ZCWPW2: variants seen among roughly 807,000 people sequenced by gnomAD.
The protein encoded by ZCWPW2 is zinc finger CW-type PWWP domain protein 2.
ZCWPW2 carries 45 observed loss-of-function variants against 46.6 expected under a neutral mutation model. The ratio of observed to expected loss-of-function variants is 0.96; its 90% CI spans 0.76 to 1.24. The LOEUF (loss-of-function observed/expected upper bound fraction) is 1.24. ZCWPW2 is among the 50% of genes most tolerant of loss of function. The probability of loss-of-function intolerance (pLI) is 0.00; values close to 1 mark genes in which losing one functional copy is unlikely to be tolerated. For missense variants in ZCWPW2, 429 were observed against 403.9 expected, an observed-to-expected ratio of 1.06 and a Z score of -0.53; for synonymous variants, 152 against 137.1, an observed-to-expected ratio of 1.11 and a Z score of -0.76.
chr3:28,499,116 A>G (rs1014489385), intron 6 of ZCWPW2, among the ~76,000 whole-genome samples: 1 of 152,156 alleles, frequency 6.6e-6, no homozygotes, highest in Non-Finnish European at 1.5e-5. Flanking sequence ...ATACGTGTGC[A>G]TGTGTCTTTA....
chr3:28,460,100 T>C (rs1440144896), intron 4 of ZCWPW2, among the ~76,000 whole-genome samples: 1 of 152,146 alleles, frequency 6.6e-6, no homozygotes, highest in African/African-American at 2.4e-5. Flanking sequence ...TATTTTCCAA[T>C]ATTTCAAGCC....
At chr3:28,491,321 A>G (rs1412463309) in intron 5 of ZCWPW2, among the ~76,000 whole-genome samples, 1 of 152,102 alleles carries the variant, frequency 6.6e-6, no homozygotes, top group Non-Finnish European at 1.5e-5. Context: ...GAGTTTCTAT[A>G]TTTTATGACA....
At chr3:28,353,551 A>C (rs1183497391) in intron 1 of ZCWPW2, among the ~76,000 whole-genome samples, 1 of 152,270 alleles carries the variant, frequency 6.6e-6, no homozygotes, top group East Asian at 1.9e-4. Flanking sequence ...TTTCATTTAT[A>C]AAAGAAATTA....
At chr3:28,407,748 G>C (rs1416193203) in intron 2 of ZCWPW2, among the ~76,000 whole-genome samples, 3 of 152,052 alleles carry the variant, frequency 2.0e-5, no homozygotes, top group Non-Finnish European at 4.4e-5. Context: ...ATATAACTAA[G>C]TTATGAAATA....
At chr3:28,498,725 G>A (rs958323377) in intron 6 of ZCWPW2, among the ~76,000 whole-genome samples, 8 of 150,886 alleles carry the variant, frequency 5.3e-5, no homozygotes, top group Admixed American at 2.0e-4. Context: ...AGGTATACAC[G>A]TGCCATGGTG....
At chr3:28,354,440 A>G (rs966635249) in intron 1 of ZCWPW2, among the ~76,000 whole-genome samples, 9 of 141,616 alleles carry the variant, frequency 6.4e-5, no homozygotes, top group African/African-American at 1.0e-4. Context: ...AGGAGCTGGT[A>G]CCATTCCTTC....
At chr3:28,491,071 A>C (rs1699795296) in intron 5 of ZCWPW2, among the ~76,000 whole-genome samples, 1 of 152,132 alleles carries the variant, frequency 6.6e-6, no homozygotes, top group Non-Finnish European at 1.5e-5. Flanking sequence ...TTCATAACTA[A>C]CCATAATACA....
intron 4 of ZCWPW2, among the ~76,000 whole-genome samples, chr3:28,438,300 C>CT (rs1288925119): frequency 6.6e-6 from 1 of 152,190 alleles, no homozygotes; most frequent in African/African-American, 2.4e-5. Flanking sequence ...ATTGAAAGGG[C>CT]TGGCACCCTT....
Position 28,413,338 on chromosome 3 carries a change from G to T in ZCWPW2, c.270G>T (p.Lys90Asn). 1 of 1,613,106 alleles carries T rather than the reference G, an allele frequency of 6.2e-7. No individual in the cohort carries two copies. Among genetic ancestry groups the T allele is most frequent in the Non-Finnish European group, 8.5e-7 (1 of 1,179,390 alleles). ...EESQLHQCGF[K>N]IVYSQLPLGS... ...CTCAGCTTCATCAGTGTGGATTTAA[G>T]ATTGTCTATTCACAGCTCCCTCTTG... Residue 90 changes from lysine (K) to asparagine (N), a missense_variant, in exon 3 of 10, where the codon AAG (lysine) becomes AAT (asparagine). Lys to Asn is a moderately conservative substitution (Grantham distance 94). Coordinates refer to ENST00000383768, the MANE Select transcript of ZCWPW2 (RefSeq NM_001040432.4).
intron 4 of ZCWPW2, among the ~76,000 whole-genome samples, chr3:28,460,607 A>G (rs956966413): frequency 1.3e-5 from 2 of 152,208 alleles, no homozygotes; most frequent in African/African-American, 4.8e-5. Context: ...ATAATGTGGC[A>G]ATCTTCCAGT....
At chr3:28,480,964 C>T (rs772141589) in intron 5 of ZCWPW2, among the ~76,000 whole-genome samples, 8 of 147,844 alleles carry the variant, frequency 5.4e-5, no homozygotes, top group Admixed American at 1.4e-4. Flanking sequence ...CTCCCAGGTT[C>T]AAACAATTCT....
chr3:28,381,890 C>G (rs886350117), intron 1 of ZCWPW2, among the ~76,000 whole-genome samples: 1 of 152,006 alleles, frequency 6.6e-6, no homozygotes, highest in Non-Finnish European at 1.5e-5. Context: ...TTTGGCCAGG[C>G]GTGGTGGTTC....
intron 4 of ZCWPW2, among the ~76,000 whole-genome samples, chr3:28,440,030 TG>T (rs1228821687): frequency 2.0e-5 from 3 of 152,314 alleles, no homozygotes; most frequent in African/African-American, 7.2e-5. Flanking sequence ...CTGAGGGGTC[TG>T]GGCTATTTGT....
At chr3:28,471,690 C>G (rs1007273517) in intron 4 of ZCWPW2, among the ~76,000 whole-genome samples, 3 of 152,062 alleles carry the variant, frequency 2.0e-5, no homozygotes, top group Non-Finnish European at 4.4e-5. Context: ...CGGAACATGA[C>G]AAGGATGCCC....
intron 4 of ZCWPW2, among the ~76,000 whole-genome samples, chr3:28,462,001 TTC>T (rs1698656108): frequency 6.6e-6 from 1 of 152,194 alleles, no homozygotes; most frequent in Admixed American, 6.5e-5. Context: ...GATTGTATTT[TTC>T]TCTTTCTTTT....
At chr3:28,432,091 C>T (rs1697279599) in intron 3 of ZCWPW2, among the ~76,000 whole-genome samples, 1 of 152,152 alleles carries the variant, frequency 6.6e-6, no homozygotes, top group South Asian at 2.1e-4. Context: ...CCATGTCCCT[C>T]CTACAACATG....
At chr3:28,515,653 T>G (rs1162857377) in intron 8 of ZCWPW2, 32 bp downstream of exon 8, 1 of 1,564,304 alleles carries the variant, frequency 6.4e-7, no homozygotes, top group African/African-American at 1.6e-5. Flanking sequence ...TTTTAGTTCT[T>G]TAACCTATAT....
intron 1 of ZCWPW2, among the ~76,000 whole-genome samples, chr3:28,355,525 A>G (rs1704698891): frequency 6.6e-6 from 1 of 152,248 alleles, no homozygotes; most frequent in Non-Finnish European, 1.5e-5. Context: ...GAACCAAGAA[A>G]GAGCCCGCAT....
chr3:28,369,555 C>T (rs1177176341), intron 1 of ZCWPW2, among the ~76,000 whole-genome samples: 1 of 152,162 alleles, frequency 6.6e-6, no homozygotes, highest in African/African-American at 2.4e-5. Flanking sequence ...TGTGAGGTGT[C>T]AGTCTGCCCC....
Sources: gnomAD v4.1 joint callset for allele counts (sites outside exome capture counted in the v4.1 genomes callset) on GRCh38, gnomAD v4.1.1 for gene constraint, MANE v1.5 for transcripts, NCBI Gene and HGNC (gene_info 2026-07-23, HGNC 2026-07-21) for gene names.